SPAG16: variants seen among roughly 807,000 people sequenced by gnomAD.
The protein encoded by SPAG16 is sperm associated antigen 16, also known as sperm-associated antigen 16 protein.
Under a neutral mutation model 80.4 loss-of-function variants are expected in SPAG16, and 86 were observed. The ratio of observed to expected loss-of-function variants is 1.07; its 90% CI spans 0.90 to 1.28. SPAG16 has a LOEUF of 1.28. Among genes scored for constraint, SPAG16 ranks in the 50% most tolerant of loss-of-function variants. The pLI is 0.00. For missense variants in SPAG16, 870 were observed against 765.3 expected, an observed-to-expected ratio of 1.14 and a Z score of -1.61; for synonymous variants, 294 against 265.9, an observed-to-expected ratio of 1.11 and a Z score of -1.03.
At chr2:214,202,458 T>C (rs2058036350) in intron 15 of SPAG16, among the ~76,000 whole-genome samples, 1 of 152,124 alleles carries the variant, frequency 6.6e-6, no homozygotes, top group African/African-American at 2.4e-5. Context: ...TTCAGTAAGG[T>C]AAGGTATATT....
chr2:214,035,463 C>A (rs536636005), intron 13 of SPAG16, among the ~76,000 whole-genome samples: 1 of 152,232 alleles, frequency 6.6e-6, no homozygotes, highest in South Asian at 2.1e-4. Flanking sequence ...CTCAACCCCC[C>A]TCACATACTT....
chr2:213,989,539 C>T (rs1312703614), intron 12 of SPAG16, among the ~76,000 whole-genome samples: 3 of 152,054 alleles, frequency 2.0e-5, no homozygotes, highest in African/African-American at 7.2e-5. Flanking sequence ...AATACCTATT[C>T]CTTATGACCC....
rs576666396 is a variant in SPAG16, at chr2:213,407,056, G to A, written c.942+31937G>A. Among the ~76,000 whole-genome samples, 10 of 152,278 alleles carry A rather than the reference G, an allele frequency of 6.6e-5. No individual in the cohort carries two copies. The East Asian group carries it at 1.9e-3, about 29-fold the overall frequency. ...AAGGAAGGAGAAGCCGCGGGAGCGGGTAGAGTACCTTGGTGGTCAAATTCT... is the reference window on the plus strand; with the variant it reads ...AAGGAAGGAGAAGCCGCGGGAGCGGATAGAGTACCTTGGTGGTCAAATTCT... On this transcript the variant is annotated intron_variant, in intron 9 of 15. Transcript: ENST00000331683.
At chr2:214,000,153 G>A (rs1575780268) in intron 12 of SPAG16, among the ~76,000 whole-genome samples, 1 of 152,190 alleles carries the variant, frequency 6.6e-6, no homozygotes, top group Middle Eastern at 3.4e-3. Flanking sequence ...TTGGCTCTGT[G>A]TCCCCACCCA....
At chr2:213,878,308 G>T (rs1370855300) in intron 11 of SPAG16, among the ~76,000 whole-genome samples, 1 of 152,036 alleles carries the variant, frequency 6.6e-6, no homozygotes, top group Non-Finnish European at 1.5e-5. Flanking sequence ...TAGTGTATAA[G>T]CATTTCTTTT....
At chr2:213,607,065 A>G (rs1036646598) in intron 10 of SPAG16, among the ~76,000 whole-genome samples, 1 of 152,194 alleles carries the variant, frequency 6.6e-6, no homozygotes, top group Non-Finnish European at 1.5e-5. Context: ...TGTTTGGTAG[A>G]TGAAAGAAGA....
chr2:214,032,726 ATAAAG>A (rs1159422704), intron 13 of SPAG16, among the ~76,000 whole-genome samples: 1 of 152,226 alleles, frequency 6.6e-6, no homozygotes, highest in African/African-American at 2.4e-5. Flanking sequence ...TTTGGAAAAG[ATAAAG>A]TAAAACCCCA....
In SPAG16 at chr2:214,169,630, A is replaced by G. The variant is rs144003996; in HGVS notation, c.1720+20364A>G. Among the ~76,000 whole-genome samples the G allele has an allele frequency of 3.5e-4, 54 of 152,192 alleles. No individual in the cohort carries two copies. The East Asian group carries it at 9.3e-3, about 26-fold the overall frequency. On this transcript the variant is annotated intron_variant, in intron 15 of 15. Coordinates refer to ENST00000331683, the MANE Select transcript of SPAG16 (RefSeq NM_024532.5). ...TGAATAGAAACTTCTTTTGTCTAGC[A>G]GAGAGTATGGTAATACATATTCTCT...
At chr2:213,852,353 A>G (rs935270496) in intron 10 of SPAG16, among the ~76,000 whole-genome samples, 1 of 152,162 alleles carries the variant, frequency 6.6e-6, no homozygotes, top group African/African-American at 2.4e-5. Context: ...AAAATATATT[A>G]ATCATATATA....
In SPAG16 at chr2:214,108,257, C is replaced by A; in HGVS notation, c.1589C>A (p.Pro530His). The A allele has an allele frequency of 6.2e-7, 1 of 1,600,414 alleles. No homozygotes were observed. The highest frequency in any genetic ancestry group is 8.5e-7 in the Non-Finnish European group (1 of 1,169,966). The part of the protein sequence containing the change: ...MHSINDAIFD[P>H]RGHMIASCDA... ...TCTATCAATGATGCCATTTTTGATCCCAGGGTAAGTTCAGTTCTCCCAGTA... is the reference window on the plus strand; with the variant it reads ...TCTATCAATGATGCCATTTTTGATCACAGGGTAAGTTCAGTTCTCCCAGTA... The change falls in exon 14 of 16, where the codon CCC becomes CAC. Residue 530 changes from proline to histidine, a missense_variant. Pro to His is a moderately conservative substitution (Grantham distance 77, BLOSUM62 -2). Transcript: ENST00000331683.
At chr2:213,805,049 T>A in intron 10 of SPAG16, among the ~76,000 whole-genome samples, 1 of 152,314 alleles carries the variant, frequency 6.6e-6, no homozygotes, top group African/African-American at 2.4e-5. Context: ...ATAATACCAA[T>A]GTTACTGTTG....
chr2:213,845,413 G>A (rs568228707), intron 10 of SPAG16, among the ~76,000 whole-genome samples: 2 of 151,960 alleles, frequency 1.3e-5, no homozygotes, highest in African/African-American at 4.8e-5. Flanking sequence ...GGCCAGGATC[G>A]TCTCGGTATC....
intron 15 of SPAG16, among the ~76,000 whole-genome samples, chr2:214,183,102 T>C (rs1286621614): frequency 6.6e-6 from 1 of 151,978 alleles, no homozygotes; most frequent in African/African-American, 2.4e-5. Context: ...TTTAAAAATA[T>C]TCCTTTGTAT....
intron 15 of SPAG16, among the ~76,000 whole-genome samples, chr2:214,288,566 C>G (rs1300185162): frequency 6.6e-6 from 1 of 152,014 alleles, no homozygotes; most frequent in Admixed American, 6.6e-5. Context: ...GTTCCCTTCT[C>G]CTCACATCCC....
chr2:213,365,697 A>G (rs957288246), intron 8 of SPAG16, among the ~76,000 whole-genome samples: 30 of 151,768 alleles, frequency 2.0e-4, no homozygotes, highest in Admixed American at 6.6e-5. Context: ...TCTTGAAGTG[A>G]TCCGCCTGCC....
chr2:213,331,861 T>G (rs1036680565), intron 5 of SPAG16, among the ~76,000 whole-genome samples: 2 of 152,104 alleles, frequency 1.3e-5, no homozygotes, highest in Non-Finnish European at 2.9e-5. Flanking sequence ...CATACCATAA[T>G]CTATGGGATA....
intron 9 of SPAG16, among the ~76,000 whole-genome samples, chr2:213,408,205 C>G (rs1382036301): frequency 6.6e-6 from 1 of 152,108 alleles, no homozygotes. Flanking sequence ...AGGTCTTCTC[C>G]GTGACCCTGC....
intron 10 of SPAG16, among the ~76,000 whole-genome samples, chr2:213,781,079 C>T (rs532392007): frequency 1.3e-5 from 2 of 152,258 alleles, no homozygotes; most frequent in Admixed American, 1.3e-4. Flanking sequence ...AACAGAGTTA[C>T]ATTACAGACA....
At chr2:214,255,957 A>T (rs1690656607) in intron 15 of SPAG16, among the ~76,000 whole-genome samples, 1 of 151,906 alleles carries the variant, frequency 6.6e-6, no homozygotes, top group South Asian at 2.1e-4. Context: ...AAGTGTTTTC[A>T]TTTCTCGTGA....
Sources: allele counts gnomAD v4.1 joint callset (sites outside exome capture counted in the v4.1 genomes callset), GRCh38; gene constraint gnomAD v4.1.1; transcripts MANE v1.5; gene names NCBI Gene and HGNC (gene_info 2026-07-23, HGNC 2026-07-21).